The following XKR4 variants were observed in gnomAD, a reference collection of about 807,000 sequenced individuals.
XKR4 encodes the protein XK related 4.
In XKR4, 12 loss-of-function variants were observed where a neutral mutation model predicts 53.9. The observed-to-expected ratio is 0.22, with a 90% CI of 0.14 to 0.36. The LOEUF is 0.36. Among genes scored for constraint, XKR4 ranks in the 10% least tolerant of loss-of-function variants. The pLI is 1.00. For synonymous variants in XKR4, 354 were observed against 362.4 expected, an observed-to-expected ratio of 0.98 and a Z score of 0.26; for missense variants, 799 against 859.5, an observed-to-expected ratio of 0.93 and a Z score of 0.88.
intron 1 of XKR4, among the ~76,000 whole-genome samples, chr8:55,263,844 C>T (rs1818563570): frequency 6.6e-6 from 1 of 152,184 alleles, no homozygotes; most frequent in Non-Finnish European, 1.5e-5. Flanking sequence ...CTGCAGTCAT[C>T]AAGCCACACT....
chr8:55,137,862 C>T, intron 1 of XKR4, among the ~76,000 whole-genome samples: 1 of 151,732 alleles, frequency 6.6e-6, no homozygotes, highest in East Asian at 1.9e-4. Context: ...GTGAGCTTGC[C>T]CTTCACAGAA....
rs189192324 is a variant in XKR4, at chr8:55,224,976, T to C, written c.806+121682T>C. Among the ~76,000 whole-genome samples, 309 of 152,274 alleles carry C rather than the reference T, an allele frequency of 2.0e-3. 1 individual carries two copies. Among genetic ancestry groups the C allele is most frequent in the Middle Eastern group, 3.4e-3 (1 of 294 alleles). ...GTTACTAATTAATGAACGATACATATGTTGATTTGGGTATATGGCATTGTG... is the reference window on the plus strand; with the variant it reads ...GTTACTAATTAATGAACGATACATACGTTGATTTGGGTATATGGCATTGTG... On this transcript the variant is annotated intron_variant, in intron 1 of 2. Coordinates refer to ENST00000327381, the MANE Select transcript of XKR4 (RefSeq NM_052898.2).
At chr8:55,261,233 T>C (rs764976745) in intron 1 of XKR4, among the ~76,000 whole-genome samples, 1 of 152,122 alleles carries the variant, frequency 6.6e-6, no homozygotes, top group Non-Finnish European at 1.5e-5. Flanking sequence ...TGGGAAAGCA[T>C]TGAACCTTTC....
rs1427920028 is a variant in XKR4, at chr8:55,526,261, C to T, written c.*2034C>T. 4 of 152,250 alleles carry T rather than the reference C, an allele frequency of 2.6e-5. No individual in the cohort carries two copies. In the East Asian group the frequency reaches 7.7e-4, roughly 29 times the overall value. 9.4% of individuals were successfully genotyped at this position (152,250 alleles called of 1,614,324 possible). On this transcript the variant is annotated 3_prime_UTR_variant, in exon 3 of 3. Transcript: ENST00000327381. ...CTGTAATGGGTGTGTCATCCAGAGACTGTGTCCCCACGATGACATCCACAG... is the reference window on the plus strand; with the variant it reads ...CTGTAATGGGTGTGTCATCCAGAGATTGTGTCCCCACGATGACATCCACAG...
At chr8:55,244,771 A>G (rs1352547499) in intron 1 of XKR4, among the ~76,000 whole-genome samples, 1 of 152,156 alleles carries the variant, frequency 6.6e-6, no homozygotes, top group Non-Finnish European at 1.5e-5. Flanking sequence ...CTGATGTGAG[A>G]TGACATCACA....
Position 55,451,960 on chromosome 8 carries a change from TG to T in XKR4, c.1007-71317del, listed in dbSNP as rs1456846821. On this transcript the variant is annotated intron_variant, in intron 2 of 2. Coordinates refer to ENST00000327381, the MANE Select transcript of XKR4 (RefSeq NM_052898.2). ...CTGGCTCCAGTGCTCCTAGCTGAGT[TG>T]GGGTTGTACTTCTTGCGAGTGACAT... 5 of 770,568 alleles carry T rather than the reference TG, an allele frequency of 6.5e-6. No homozygotes were observed. In the Admixed American group the frequency reaches 8.9e-5, roughly 14 times the overall value. The allele number at this position is 770,568 out of a possible 1,614,324, so 47.7% of individuals were successfully genotyped here.
Position 55,535,844 on chromosome 8 carries a change from G to A in XKR4, c.*11617G>A, listed in dbSNP as rs961720288. 1.1e-4 allele frequency: 17 copies of A among 152,290 alleles called. No individual in the cohort carries two copies. The highest frequency in any genetic ancestry group is 3.9e-4 in the African/African-American group (16 of 41,458). The allele number at this position is 152,290 out of a possible 1,614,324, so 9.4% of individuals were successfully genotyped here. On this transcript the variant is annotated 3_prime_UTR_variant, in exon 3 of 3. Transcript: ENST00000327381. ...GATGTCAGTGGTGTCATGTCTAAGA[G>A]TGACTCTGTCATTAGGGGAACCCAC...
rs548658148 is a variant in XKR4 at position 55,265,315 on chromosome 8, T to C, written c.807-92363T>C. ...TGCTTCAAAATGTGCATTTGACACATGTCTGTTTCAGGGCTGAAGTCAGTT... is the reference window on the plus strand; with the variant it reads ...TGCTTCAAAATGTGCATTTGACACACGTCTGTTTCAGGGCTGAAGTCAGTT... On this transcript the variant is annotated intron_variant, in intron 1 of 2. Transcript: ENST00000327381. Among the ~76,000 whole-genome samples the C allele has an allele frequency of 3.0e-4, 45 of 152,340 alleles. 1 individual carries two copies. The highest frequency in any genetic ancestry group is 1.1e-3 in the African/African-American group (45 of 41,588).
chr8:55,464,732 A>C (rs1006153836), intron 2 of XKR4, among the ~76,000 whole-genome samples: 1 of 152,154 alleles, frequency 6.6e-6, no homozygotes, highest in African/African-American at 2.4e-5. Context: ...TATATTTAGA[A>C]AACCCCATTT....
Position 55,236,277 on chromosome 8 carries a change from A to G in XKR4, c.807-121401A>G, listed in dbSNP as rs1818121613. Among the ~76,000 whole-genome samples, 3 of 152,124 alleles carry G rather than the reference A, an allele frequency of 2.0e-5. No individual in the cohort carries two copies. In the South Asian group the frequency reaches 6.2e-4, roughly 32 times the overall value. ...TCTTCTCCTTACCTTTGAATGGAAA[A>G]TGGTATTAAAGGGAGGCCTCATGAG... On this transcript the variant is annotated intron_variant, in intron 1 of 2. Transcript: ENST00000327381.
At chr8:55,151,275 T>C (rs1320058121) in intron 1 of XKR4, among the ~76,000 whole-genome samples, 1 of 152,206 alleles carries the variant, frequency 6.6e-6, no homozygotes, top group Non-Finnish European at 1.5e-5. Context: ...CACAGGACAT[T>C]ATCTGACCTT....
intron 2 of XKR4, among the ~76,000 whole-genome samples, chr8:55,387,602 C>G (rs1053056841): frequency 6.6e-6 from 1 of 152,196 alleles, no homozygotes; most frequent in Admixed American, 6.5e-5. Context: ...GTCTTCTCAG[C>G]TTGCTCCTCC....
At chr8:55,497,564 AT>A (rs1806370216) in intron 2 of XKR4, among the ~76,000 whole-genome samples, 1 of 152,208 alleles carries the variant, frequency 6.6e-6, no homozygotes. Context: ...ACTTCAGAAA[AT>A]GTGAACTTCA....
intron 2 of XKR4, among the ~76,000 whole-genome samples, chr8:55,500,819 C>T (rs1015068357): frequency 2.6e-5 from 4 of 152,192 alleles, no homozygotes; most frequent in Admixed American, 2.6e-4. Flanking sequence ...AATGCTGAAG[C>T]TCTGCATGCC....
chr8:55,116,972 G>A (rs1816317015), intron 1 of XKR4, among the ~76,000 whole-genome samples: 1 of 152,044 alleles, frequency 6.6e-6, no homozygotes, highest in Non-Finnish European at 1.5e-5. Context: ...ATACCCAAGG[G>A]ATCTTAAAAG....
intron 2 of XKR4, among the ~76,000 whole-genome samples, chr8:55,522,553 G>A (rs377507008): frequency 3.3e-5 from 5 of 152,184 alleles, no homozygotes; most frequent in African/African-American, 1.2e-4. Context: ...CAAGCAGAAA[G>A]ATAAACCAGG....
At chr8:55,501,623 G>C (rs1367637690) in intron 2 of XKR4, among the ~76,000 whole-genome samples, 1 of 152,112 alleles carries the variant, frequency 6.6e-6, no homozygotes, top group Non-Finnish European at 1.5e-5. Flanking sequence ...TGTAGCATGT[G>C]TCAGAATTTC....
At chr8:55,117,257 A>C (rs1024038331) in intron 1 of XKR4, among the ~76,000 whole-genome samples, 24 of 152,148 alleles carry the variant, frequency 1.6e-4, no homozygotes, top group African/African-American at 5.5e-4. Flanking sequence ...AATATTTCAA[A>C]ATACTAGATA....
intron 2 of XKR4, among the ~76,000 whole-genome samples, chr8:55,382,804 T>A (rs917950028): frequency 1.3e-5 from 2 of 152,208 alleles, no homozygotes; most frequent in African/African-American, 4.8e-5. Flanking sequence ...AGGTATACGG[T>A]CTCATTAATT....
Sources: allele counts gnomAD v4.1 joint callset (sites outside exome capture counted in the v4.1 genomes callset), GRCh38; gene constraint gnomAD v4.1.1; transcripts MANE v1.5; gene names NCBI Gene and HGNC (gene_info 2026-07-23, HGNC 2026-07-21).